KLF12: variants seen among roughly 807,000 people sequenced by gnomAD.
The protein encoded by KLF12 is Krueppel-like factor 12.
A neutral mutation model predicts 37.8 loss-of-function variants in KLF12; 9 were observed. That is an observed-to-expected ratio of 0.24 (90% confidence interval 0.14 to 0.42). The LOEUF (loss-of-function observed/expected upper bound fraction) is 0.42. KLF12 is among the 10% of genes least tolerant of loss of function. The pLI is 1.00. For synonymous variants in KLF12, 208 were observed against 202.1 expected (o/e 1.03, Z -0.25); for missense variants, 411 against 516.0 (o/e 0.80, Z 1.97).
chr13:73,877,242 C>T (rs1594202620), intron 3 of KLF12, among the ~76,000 whole-genome samples: 2 of 152,212 alleles, frequency 1.3e-5, no homozygotes, highest in East Asian at 3.9e-4. Flanking sequence ...AATACTTCAG[C>T]TCTATCATTG....
At chr13:74,286,534 A>G in the KLF12 span, among the ~76,000 whole-genome samples, 1 of 152,224 alleles carries the variant, frequency 6.6e-6, no homozygotes, top group Non-Finnish European at 1.5e-5. Flanking sequence ...CATAAATTAG[A>G]AGGCAGGTAA....
intron 7 of KLF12, among the ~76,000 whole-genome samples, chr13:73,708,672 T>A (rs1165091733): frequency 3.9e-5 from 6 of 152,200 alleles, no homozygotes; most frequent in Admixed American, 3.9e-4. Context: ...TAGAAAATAG[T>A]GAGAATTCTA....
At chr13:73,875,385 A>C (rs1230528744) in intron 3 of KLF12, among the ~76,000 whole-genome samples, 1 of 152,148 alleles carries the variant, frequency 6.6e-6, no homozygotes, top group African/African-American at 2.4e-5. Context: ...CTCATGGGTA[A>C]CTTAGAAAAA....
At chr13:73,740,534 G>T (rs1439198112) in intron 6 of KLF12, among the ~76,000 whole-genome samples, 1 of 152,082 alleles carries the variant, frequency 6.6e-6, no homozygotes, top group African/African-American at 2.4e-5. Context: ...TAGAGATGGG[G>T]TCTCACTATG....
At chr13:74,150,547 A>T in the KLF12 span, among the ~76,000 whole-genome samples, 1 of 152,258 alleles carries the variant, frequency 6.6e-6, no homozygotes, top group Non-Finnish European at 1.5e-5. Context: ...TTTCATGGAT[A>T]GAAGCTTCAT....
chr13:73,697,180 C>T (rs2039015726), intron 7 of KLF12, among the ~76,000 whole-genome samples: 2 of 152,138 alleles, frequency 1.3e-5, no homozygotes, highest in South Asian at 4.1e-4. Context: ...GCAGGTAATG[C>T]CTACATGGGA....
chr13:74,018,302 G>A (rs763626686), intron 1 of KLF12, among the ~76,000 whole-genome samples: 12 of 152,188 alleles, frequency 7.9e-5, no homozygotes, highest in Non-Finnish European at 1.5e-4. Flanking sequence ...GTTACCAGAA[G>A]CTGGAGTAGT....
At chr13:73,880,472 A>G (rs1886923204) in intron 3 of KLF12, among the ~76,000 whole-genome samples, 1 of 152,186 alleles carries the variant, frequency 6.6e-6, no homozygotes, top group African/African-American at 2.4e-5. Context: ...CCTCTTAAAC[A>G]TCTATGTAGA....
chr13:74,069,327 T>C (rs1386546323), intron 1 of KLF12, among the ~76,000 whole-genome samples: 1 of 152,150 alleles, frequency 6.6e-6, no homozygotes, highest in Non-Finnish European at 1.5e-5. Flanking sequence ...CCCCCGCGAA[T>C]ATGAATGGAC....
In KLF12 at chr13:73,938,842, T is replaced by C. The variant is rs116701694; in HGVS notation, c.123+5139A>G. 8.4e-3 allele frequency among the ~76,000 whole-genome samples: 1,282 copies of C among 152,266 alleles called. 27 individuals are homozygous for C. The highest frequency in any genetic ancestry group is 0.028 in the African/African-American group (1,175 of 41,546). On this transcript the variant is annotated intron_variant, in intron 3 of 7. Coordinates refer to ENST00000377669, the MANE Select transcript of KLF12 (RefSeq NM_007249.5). ...TCTGGCCAAGGTGGATATTTCCTGG[T>C]AGTTAAGGCATGGAGTATTGACGTG...
intron 1 of KLF12, among the ~76,000 whole-genome samples, chr13:74,021,416 T>C (rs1014404411): frequency 5.9e-5 from 9 of 152,174 alleles, no homozygotes; most frequent in African/African-American, 1.7e-4. Flanking sequence ...AAACTTTCAG[T>C]AGAAGAGGCT....
At chr13:73,967,752 C>G (rs1353899441) in intron 2 of KLF12, among the ~76,000 whole-genome samples, 1 of 152,156 alleles carries the variant, frequency 6.6e-6, no homozygotes, top group African/African-American at 2.4e-5. Flanking sequence ...AGAGAAAATA[C>G]TAAGTACTTG....
chr13:73,868,025 C>CA (rs1296082268), intron 3 of KLF12, among the ~76,000 whole-genome samples: 1,454 of 119,956 alleles, frequency 0.012, 26 homozygotes, highest in African/African-American at 0.04. Context: ...AACTCCTTCT[C>CA]AAAAAAAAAA....
At chr13:74,230,058 T>G in the KLF12 span, among the ~76,000 whole-genome samples, 1 of 152,190 alleles carries the variant, frequency 6.6e-6, no homozygotes, top group African/African-American at 2.4e-5. Context: ...CATGATATGA[T>G]TTGGCTGTGT....
chr13:73,715,264 G>C, intron 7 of KLF12, 104 bp downstream of exon 7: 3 of 901,872 alleles, frequency 3.3e-6, no homozygotes, highest in South Asian at 1.9e-5. Flanking sequence ...AACTGGACTT[G>C]AGAGGTACAC....
intron 6 of KLF12, among the ~76,000 whole-genome samples, chr13:73,719,283 A>C (rs767233519): frequency 3.9e-5 from 6 of 151,932 alleles, no homozygotes; most frequent in Non-Finnish European, 8.8e-5. Flanking sequence ...GCATATATCC[A>C]CAGTCGGCGG....
chr13:74,055,826 G>A (rs1012793516), intron 1 of KLF12, among the ~76,000 whole-genome samples: 5 of 152,106 alleles, frequency 3.3e-5, no homozygotes, highest in African/African-American at 1.2e-4. Flanking sequence ...TCAAGTCTGG[G>A]GCCAGGATAA....
rs1167517016 is a variant in KLF12, at chr13:73,916,237, ACACG to A, written c.123+27740_123+27743del. ...CACACACACACACACACACACACAC[ACACG>A]CACACGCACACACACACACACACAC... On this transcript the variant is annotated intron_variant, in intron 3 of 7. Transcript: ENST00000377669. Among the ~76,000 whole-genome samples the A allele has an allele frequency of 2.7e-3, 189 of 70,810 alleles. 1 individual carries two copies. The highest frequency in any genetic ancestry group is 0.015 in the South Asian group (34 of 2,274). The allele number at this position is 70,810 out of a possible 152,430, so 46.5% of individuals were successfully genotyped here.
chr13:73,813,418 A>T, intron 4 of KLF12, 131 bp from the exon 5 acceptor site: 1 of 976,452 alleles, frequency 1.0e-6, no homozygotes, highest in Non-Finnish European at 1.5e-6. Flanking sequence ...CACAGGAATC[A>T]GTGAAAGCTC....
Sources: allele counts gnomAD v4.1 joint callset (sites outside exome capture counted in the v4.1 genomes callset), GRCh38; gene constraint gnomAD v4.1.1; transcripts MANE v1.5; gene names NCBI Gene and HGNC (gene_info 2026-07-23, HGNC 2026-07-21).